The following ENTPD5 variants were observed in gnomAD, a reference collection of about 807,000 sequenced individuals.
ENTPD5 encodes nucleoside diphosphate phosphatase ENTPD5.
ENTPD5 carries 49 observed loss-of-function variants against 60.2 expected under a neutral mutation model. That is an observed-to-expected ratio of 0.81 (90% CI 0.65 to 1.03). The LOEUF (loss-of-function observed/expected upper bound fraction) is 1.03. ENTPD5 is among the 50% of genes least tolerant of loss of function. The pLI, the probability that ENTPD5 is intolerant of heterozygous loss-of-function variation, is 0.00. For synonymous variants in ENTPD5, 187 were observed against 185.4 expected (o/e 1.01, Z -0.07); for missense variants, 480 against 507.6 (o/e 0.95, Z 0.52).
chr14:73,984,237 G>C (rs1349587391), intron 5 of ENTPD5, among the ~76,000 whole-genome samples: 1 of 152,220 alleles, frequency 6.6e-6, no homozygotes, highest in East Asian at 1.9e-4. Flanking sequence ...TAGGATGGTA[G>C]AGTGAAGAAA....
chr14:73,966,526 C>T lies in ENTPD5; in HGVS notation c.*402G>A, dbSNP rs2056978336. 1 of 154,466 alleles carries T rather than the reference C, an allele frequency of 6.5e-6. No homozygotes were observed. Among genetic ancestry groups the T allele is most frequent in the South Asian group, 2.1e-4 (1 of 4,848 alleles). The allele number at this position is 154,466 out of a possible 1,614,324, so 9.6% of individuals were successfully genotyped here. A position where few individuals can be genotyped will look rare whatever the true frequency, so the allele number is the denominator to read the frequency against. On this transcript the variant is annotated 3_prime_UTR_variant, in exon 16 of 16. Transcript: ENST00000334696. ...GGTGCAGATAAGGGTGGGCAGGGCA[C>T]TGTATAGGGAGGAAAAAAATACTGA...
At chr14:73,993,941 A>G (rs2058242516) in intron 3 of ENTPD5, among the ~76,000 whole-genome samples, 1 of 152,022 alleles carries the variant, frequency 6.6e-6, no homozygotes, top group African/African-American at 2.4e-5. Flanking sequence ...AAAACAAACA[A>G]AAAACCCTGC....
chr14:73,961,694 CTTA>C (rs1463543376), downstream of ENTPD5: 1 of 1,612,818 alleles, frequency 6.2e-7, no homozygotes, highest in Non-Finnish European at 8.5e-7. Context: ...GGAAGAAAAC[CTTA>C]TTATTGGATT....
downstream of ENTPD5, chr14:73,955,355 C>T: frequency 3.4e-6 from 3 of 880,732 alleles, no homozygotes; most frequent in Admixed American, 3.4e-5. Flanking sequence ...TATTGAAGAA[C>T]ACTGAAAACA....
chr14:73,986,765 A>T (rs537078508), intron 5 of ENTPD5, 49 bp downstream of exon 5: 2 of 1,307,050 alleles, frequency 1.5e-6, no homozygotes, highest in Non-Finnish European at 2.2e-6. Context: ...TGGTGTGGTC[A>T]AGTTATCAAG....
chr14:73,996,066 G>C (rs1040246230), intron 3 of ENTPD5: 1 of 857,898 alleles, frequency 1.2e-6, no homozygotes. Context: ...AAGCCTGAGA[G>C]ACCACAATCC....
Position 73,963,279 on chromosome 14 carries a change from T to G in ENTPD5, c.*3649A>C. 1 of 519,784 alleles carries G rather than the reference T, an allele frequency of 1.9e-6. No individual in the cohort carries two copies. Among genetic ancestry groups the G allele is most frequent in the South Asian group, 3.2e-5 (1 of 30,892 alleles). The allele number at this position is 519,784 out of a possible 1,614,324, so 32.2% of individuals were successfully genotyped here. On this transcript the variant is annotated 3_prime_UTR_variant, in exon 16 of 16. Coordinates refer to ENST00000334696, the MANE Select transcript of ENTPD5 (RefSeq NM_001249.5). Reference sequence around the variant, plus strand: ...ACTAAAAAACCCACAAGGTGCTGTCTCACTCATTTCCAGTTAATCATTTCT... The same window carrying G: ...ACTAAAAAACCCACAAGGTGCTGTCGCACTCATTTCCAGTTAATCATTTCT...
rs940502360 is a variant in ENTPD5, at chr14:73,963,882, T to C, written c.*3046A>G. On this transcript the variant is annotated 3_prime_UTR_variant, in exon 16 of 16. Coordinates refer to ENST00000334696, the MANE Select transcript of ENTPD5 (RefSeq NM_001249.5). ...GCTTTTGAACCAAGTAAGGTATTCT[T>C]GGGAATAATTTTTAGAGCCATGAGA... 1 of 152,212 alleles carries C rather than the reference T, an allele frequency of 6.6e-6. No individual in the cohort carries two copies. The highest frequency in any genetic ancestry group is 2.1e-4 in the South Asian group (1 of 4,834). The allele number at this position is 152,212 out of a possible 1,614,324, so 9.4% of individuals were successfully genotyped here.
chr14:73,983,661 C>T (rs1326378675), intron 5 of ENTPD5, among the ~76,000 whole-genome samples: 1 of 146,660 alleles, frequency 6.8e-6, no homozygotes, highest in Non-Finnish European at 1.5e-5. Flanking sequence ...TTCATTTTGA[C>T]AGTCCTAATA....
In ENTPD5 at chr14:73,970,138, G is replaced by C. The variant is rs762416526; in HGVS notation, c.1085-13C>G. 1.3e-6 allele frequency: 2 copies of C among 1,578,964 alleles called. No homozygotes were observed. Among genetic ancestry groups the C allele is most frequent in the Non-Finnish European group, 1.7e-6 (2 of 1,148,274 alleles). ...AAGTTATCACACACTGAAAGAGAGA[G>C]TAAACAGTGGAGCTCAAGTTTGCAA... On this transcript the variant is annotated splice_polypyrimidine_tract_variant and intron_variant, in intron 14 of 15. Coordinates refer to ENST00000334696, the MANE Select transcript of ENTPD5 (RefSeq NM_001249.5).
In ENTPD5 at chr14:74,006,519, G is replaced by A. The variant is rs140083190; in HGVS notation, c.-71+4572C>T. On this transcript the variant is annotated intron_variant, in intron 3 of 15. Coordinates refer to ENST00000334696, the MANE Select transcript of ENTPD5 (RefSeq NM_001249.5). ...AGGATGGTCTCGATCTCCTGACCTCGTGATCCGCCCGCCTCGGCCTCCCAA... is the reference window on the plus strand; with the variant it reads ...AGGATGGTCTCGATCTCCTGACCTCATGATCCGCCCGCCTCGGCCTCCCAA... Among the ~76,000 whole-genome samples the A allele has an allele frequency of 5.1e-4, 77 of 151,486 alleles. 1 individual carries two copies. The highest frequency in any genetic ancestry group is 1.5e-3 in the African/African-American group (63 of 41,296).
chr14:74,003,488 G>A lies in ENTPD5; in HGVS notation c.-71+7603C>T, dbSNP rs543473754. ...GGTCCAAGTAAACCGCTAGCTTGTT[G>A]CACCGTGGAGGCCACACAGGAGCAG... On this transcript the variant is annotated intron_variant, in intron 3 of 15. Transcript: ENST00000334696. 521 of 1,419,144 alleles carry A rather than the reference G, an allele frequency of 3.7e-4. 6 individuals carry two copies. The highest frequency in any genetic ancestry group is 4.2e-4 in the Non-Finnish European group (439 of 1,049,088). 87.9% of individuals were successfully genotyped at this position (1,419,144 alleles called of 1,614,324 possible).
chr14:73,977,385 A>G lies in ENTPD5; in HGVS notation c.442-11T>C, dbSNP rs369671168. On this transcript the variant is annotated splice_polypyrimidine_tract_variant and intron_variant, in intron 6 of 15. Transcript: ENST00000334696. The stretch of plus-strand genomic sequence containing the variant: ...GAAGATCTCCTTTACCTAGAGAAAA[A>G]GGAAAAAAAAAAAAAAAGAATTCCC... 7.0e-7 allele frequency: 1 copy of G among 1,430,754 alleles called. No individual in the cohort carries two copies. The highest frequency in any genetic ancestry group is 9.7e-7 in the Non-Finnish European group (1 of 1,033,594). 88.6% of individuals were successfully genotyped at this position (1,430,754 alleles called of 1,614,324 possible). A position where few individuals can be genotyped will look rare whatever the true frequency, so the allele number is the denominator to read the frequency against.
chr14:73,961,957 T>C, downstream of ENTPD5: 1 of 1,577,240 alleles, frequency 6.3e-7, no homozygotes, highest in Non-Finnish European at 8.7e-7. Context: ...TTTCTTTTGC[T>C]TTTTTTTGAA....
At chr14:73,999,146 G>A (rs1566756225) in intron 3 of ENTPD5, among the ~76,000 whole-genome samples, 2 of 152,260 alleles carry the variant, frequency 1.3e-5, no homozygotes, top group South Asian at 2.1e-4. Context: ...TCTGGCAGAG[G>A]TGGCAGACAT....
intron 12 of ENTPD5, 60 bp downstream of exon 12, chr14:73,973,817 G>A: frequency 6.8e-7 from 1 of 1,463,832 alleles, no homozygotes; most frequent in South Asian, 1.1e-5. Flanking sequence ...GTTTCCCATG[G>A]GACTTTTCCA....
chr14:73,958,340 G>A, downstream of ENTPD5: 1 of 1,610,786 alleles, frequency 6.2e-7, no homozygotes, highest in Non-Finnish European at 8.5e-7. Flanking sequence ...TAGATTCTAG[G>A]GACTCTGGTT....
intron 9 of ENTPD5, 113 bp from the exon 10 acceptor site, chr14:73,976,128 G>A: frequency 1.1e-6 from 1 of 943,238 alleles, no homozygotes; most frequent in Non-Finnish European, 1.7e-6. Context: ...AGATTAAGGG[G>A]CTAATCTCAC....
intron 9 of ENTPD5, 74 bp downstream of exon 9, chr14:73,976,250 G>C (rs1305740501): frequency 3.1e-6 from 4 of 1,300,902 alleles, no homozygotes; most frequent in Non-Finnish European, 4.4e-6. Flanking sequence ...GGCTGAAAAT[G>C]GGGCGCCTCT....
Sources: allele counts gnomAD v4.1 joint callset (sites outside exome capture counted in the v4.1 genomes callset), GRCh38; gene constraint gnomAD v4.1.1; transcripts MANE v1.5; gene names NCBI Gene and HGNC (gene_info 2026-07-23, HGNC 2026-07-21).